Variants in HPF1 observed in about 807,000 individuals in gnomAD.
HPF1 encodes UPF0609 protein C4orf27.
Under a neutral mutation model 38.8 loss-of-function variants are expected in HPF1, and 35 were observed. The observed-to-expected ratio is 0.90, with a 90% CI of 0.69 to 1.19. The LOEUF (loss-of-function observed/expected upper bound fraction) is 1.19. Among genes scored for constraint, HPF1 ranks in the 50% most tolerant of loss-of-function variants. The probability of loss-of-function intolerance (pLI) is 0.00; values close to 1 mark genes in which losing one functional copy is unlikely to be tolerated. For missense variants in HPF1, 367 were observed against 405.8 expected (o/e 0.90, Z 0.82); for synonymous variants, 115 against 139.2 (o/e 0.83, Z 1.22).
intron 7 of HPF1, among the ~76,000 whole-genome samples, chr4:169,729,983 C>A (rs1476630680): frequency 6.6e-6 from 1 of 152,178 alleles, no homozygotes; most frequent in Non-Finnish European, 1.5e-5. Flanking sequence ...TCAACTTTTT[C>A]TCACCCCAAA....
intron 6 of HPF1, among the ~76,000 whole-genome samples, chr4:169,733,003 G>C (rs1733849430): frequency 6.6e-6 from 1 of 152,126 alleles, no homozygotes; most frequent in Non-Finnish European, 1.5e-5. Context: ...AATAATCCAA[G>C]TAGGCAAAAT....
In HPF1 at chr4:169,753,817, C is replaced by T; in HGVS notation, c.67G>A (p.Val23Met). The T allele has an allele frequency of 1.2e-6, 2 of 1,601,552 alleles. No individual in the cohort carries two copies. The highest frequency in any genetic ancestry group is 1.7e-6 in the Non-Finnish European group (2 of 1,176,970). Residue 23 changes from valine (V) to methionine (M), a missense_variant, in exon 2 of 8, where the codon GTG (valine) becomes ATG (methionine). Coordinates refer to ENST00000393381, the MANE Select transcript of HPF1 (RefSeq NM_017867.3). ...EGPQCEKTTD[V>M]KKSKFCEADV... Reference sequence around the variant, plus strand: ...GCTTCACAGAATTTACTTTTCTTCACATCAGTTGTTTTTTCACACTGAAAA... The same window carrying T: ...GCTTCACAGAATTTACTTTTCTTCATATCAGTTGTTTTTTCACACTGAAAA...
intron 6 of HPF1, 165 bp from the exon 7 acceptor site, chr4:169,732,041 A>G (rs1433209580): frequency 1.7e-5 from 9 of 518,580 alleles, no homozygotes; most frequent in South Asian, 6.1e-5. Context: ...TAGAATGGCA[A>G]TTTGGTAACT....
intron 7 of HPF1, among the ~76,000 whole-genome samples, chr4:169,730,541 C>T (rs541938242): frequency 1.3e-5 from 2 of 152,200 alleles, no homozygotes; most frequent in African/African-American, 4.8e-5. Flanking sequence ...TGTACACCCC[C>T]GACCAGGAGC....
At chr4:169,732,136 G>T (rs1054860324) in intron 6 of HPF1, 2 of 230,272 alleles carry the variant, frequency 8.7e-6, no homozygotes, top group East Asian at 1.0e-4. Context: ...TTACAGTCAC[G>T]ATTTTTTTTT....
At position 169,742,211 on chromosome 4, in the gene HPF1, A is replaced by G. The variant is rs1733979064; in HGVS notation, c.498-104T>C. 8.0e-6 allele frequency: 7 copies of G among 870,278 alleles called. No individual in the cohort carries two copies. In the Admixed American group the frequency reaches 9.2e-5, roughly 11 times the overall value. The allele number at this position is 870,278 out of a possible 1,614,324, so 53.9% of individuals were successfully genotyped here. On this transcript the variant is annotated intron_variant, in intron 4 of 7. Transcript: ENST00000393381. Reference sequence around the variant, plus strand: ...TAAAAATGTCAAATTCCATACAAGAATAAGTCCACAGAATAATTACCAACA... The same window carrying G: ...TAAAAATGTCAAATTCCATACAAGAGTAAGTCCACAGAATAATTACCAACA...
At chr4:169,736,097 G>C (rs1247262777) in intron 6 of HPF1, among the ~76,000 whole-genome samples, 4 of 151,480 alleles carry the variant, frequency 2.6e-5, no homozygotes, top group Non-Finnish European at 5.9e-5. Context: ...GAAAATTACA[G>C]GCCAGGTTCG....
In HPF1 at chr4:169,757,826, G is replaced by A. The variant is rs564014991; in HGVS notation, c.48+4C>T. On this transcript the variant is annotated splice_donor_region_variant and intron_variant, in intron 1 of 7. Coordinates refer to ENST00000393381, the MANE Select transcript of HPF1 (RefSeq NM_017867.3). ...CGTAGCCCGCACAGCCTTTCCGGCAGTACCTGCGGCCCCTCTCCGCCGGGC... is the reference window on the plus strand; with the variant it reads ...CGTAGCCCGCACAGCCTTTCCGGCAATACCTGCGGCCCCTCTCCGCCGGGC... 2.0e-5 allele frequency: 31 copies of A among 1,563,188 alleles called. 3 individuals carry two copies. The South Asian group carries it at 3.3e-4, about 16-fold the overall frequency.
rs543110859 is a variant in HPF1, at chr4:169,740,314, C to T, written c.648+1643G>A. Among the ~76,000 whole-genome samples, 26 of 152,314 alleles carry T rather than the reference C, an allele frequency of 1.7e-4. No homozygotes were observed. The South Asian group carries it at 5.4e-3, about 32-fold the overall frequency. On this transcript the variant is annotated intron_variant, in intron 5 of 7. Transcript: ENST00000393381. ...CCTCTATAACCCTCAATTTACTCAT[C>T]TATAAAATAGGATAATTCCAACTTT... is the stretch of plus-strand genomic sequence containing the variant.
chr4:169,737,307 AC>A (rs11342727), intron 6 of HPF1, among the ~76,000 whole-genome samples: 11,938 of 147,732 alleles, frequency 0.081, 1,284 homozygotes, highest in African/African-American at 0.25. Flanking sequence ...AAAAAAAAAA[AC>A]AAACAAAAAA....
intron 4 of HPF1, among the ~76,000 whole-genome samples, chr4:169,748,096 A>T (rs9942227): frequency 0.11 from 16,658 of 152,266 alleles, 2,436 homozygotes; most frequent in African/African-American, 0.34. Context: ...CCAAGGATAT[A>T]ATGACCACCT....
intron 6 of HPF1, among the ~76,000 whole-genome samples, chr4:169,732,999 C>T (rs768017252): frequency 1.3e-4 from 20 of 152,112 alleles, no homozygotes; most frequent in Non-Finnish European, 2.6e-4. Context: ...AAAAAATAAT[C>T]CAAGTAGGCA....
chr4:169,745,624 T>C (rs1016946597), intron 4 of HPF1, among the ~76,000 whole-genome samples: 1 of 152,196 alleles, frequency 6.6e-6, no homozygotes, highest in Non-Finnish European at 1.5e-5. Context: ...TCACAGAATG[T>C]TAAAGAGATG....
At position 169,729,721 on chromosome 4, in the gene HPF1, AAATATAAC is replaced by A; in HGVS notation, c.910-20_910-13del. The A allele has an allele frequency of 6.7e-7, 1 of 1,484,090 alleles. No individual in the cohort carries two copies. The highest frequency in any genetic ancestry group is 1.4e-5 in the South Asian group (1 of 69,816). The allele number at this position is 1,484,090 out of a possible 1,614,324, so 91.9% of individuals were successfully genotyped here. A position where few individuals can be genotyped will look rare whatever the true frequency, so the allele number is the denominator to read the frequency against. On this transcript the variant is annotated splice_polypyrimidine_tract_variant and intron_variant, in intron 7 of 7. Transcript: ENST00000393381. ...ACTTTATGAAAATACTGAAAAATAA[AAATATAAC>A]ATTAAGCAGAGAATATAGCAGATAT...
At chr4:169,747,403 A>G (rs565093179) in intron 4 of HPF1, among the ~76,000 whole-genome samples, 6 of 152,300 alleles carry the variant, frequency 3.9e-5, no homozygotes, top group South Asian at 2.1e-4. Flanking sequence ...TGTACGTAGC[A>G]TAGTCTAGTG....
At chr4:169,752,905 A>G (rs1734137312) in intron 2 of HPF1, among the ~76,000 whole-genome samples, 2 of 152,130 alleles carry the variant, frequency 1.3e-5, no homozygotes, top group African/African-American at 4.8e-5. Context: ...ACCTTTGCCA[A>G]TAAACTAGGT....
At chr4:169,751,401 T>C (rs773054537) in intron 2 of HPF1, among the ~76,000 whole-genome samples, 11 of 97,368 alleles carry the variant, frequency 1.1e-4, no homozygotes, top group African/African-American at 6.5e-4. Flanking sequence ...AGGCTCTGTC[T>C]CAAAAAAAAA....
chr4:169,757,686 T>A, intron 1 of HPF1, 144 bp downstream of exon 1: 2 of 818,700 alleles, frequency 2.4e-6, no homozygotes, highest in South Asian at 3.0e-5. Flanking sequence ...ACAGCGGCCC[T>A]GGGCAGGATC....
rs182953910 is a variant in HPF1, at chr4:169,753,855, C to T, written c.49-20G>A. 10 of 1,594,910 alleles carry T rather than the reference C, an allele frequency of 6.3e-6. No individual in the cohort carries two copies. In the Admixed American group the frequency reaches 1.6e-4, roughly 26 times the overall value. On this transcript the variant is annotated intron_variant, in intron 1 of 7. Coordinates refer to ENST00000393381, the MANE Select transcript of HPF1 (RefSeq NM_017867.3). ...TTCACACTGAAAATTGGCACACAAA[C>T]TTTAGTTCTCCAAATTTCAGTAACT...
Sources: allele counts gnomAD v4.1 joint callset (sites outside exome capture counted in the v4.1 genomes callset), GRCh38; gene constraint gnomAD v4.1.1; transcripts MANE v1.5; gene names NCBI Gene and HGNC (gene_info 2026-07-23, HGNC 2026-07-21).